Variants in PDIA5 observed in about 807,000 individuals in gnomAD.
PDIA5 encodes protein disulfide isomerase family A member 5.
PDIA5 carries 58 observed loss-of-function variants against 77.6 expected under a neutral mutation model. The observed-to-expected ratio is 0.75, with a 90% CI of 0.61 to 0.93. The LOEUF is 0.93. PDIA5 is among the 40% of genes least tolerant of loss of function. PDIA5 has a pLI of 0.00. For missense variants in PDIA5, 630 were observed against 647.7 expected (o/e 0.97, Z 0.30); for synonymous variants, 250 against 252.1 (o/e 0.99, Z 0.08).
intron 11 of PDIA5, among the ~76,000 whole-genome samples, chr3:123,135,859 C>CT (rs374372363): frequency 0.17 from 22,462 of 133,260 alleles, 1,957 homozygotes; most frequent in Middle Eastern, 0.26. Flanking sequence ...TAAAATCGAC[C>CT]TTTTTTTTTT....
chr3:123,090,163 C>T (rs757308141), intron 2 of PDIA5, among the ~76,000 whole-genome samples: 2 of 152,202 alleles, frequency 1.3e-5, no homozygotes, highest in African/African-American at 4.8e-5. Context: ...ATCCCTGGCA[C>T]GTGGGATGTG....
intron 11 of PDIA5, among the ~76,000 whole-genome samples, chr3:123,135,179 AC>A (rs1935469836): frequency 6.6e-6 from 1 of 152,040 alleles, no homozygotes; most frequent in Non-Finnish European, 1.5e-5. Flanking sequence ...TCCTCTTGTC[AC>A]TGTTTTTTGT....
At chr3:123,071,867 G>C (rs1933733877) in intron 1 of PDIA5, among the ~76,000 whole-genome samples, 1 of 152,206 alleles carries the variant, frequency 6.6e-6, no homozygotes, top group East Asian at 1.9e-4. Context: ...GTGTTTGGCT[G>C]ATGGAACTAA....
intron 1 of PDIA5, among the ~76,000 whole-genome samples, chr3:123,078,289 C>G (rs1020598018): frequency 2.0e-5 from 3 of 152,166 alleles, no homozygotes; most frequent in South Asian, 4.1e-4. Flanking sequence ...GACACATAAG[C>G]ACTGCACGTA....
intron 12 of PDIA5, 81 bp from the exon 13 acceptor site, chr3:123,146,017 TG>T: frequency 7.4e-7 from 1 of 1,350,490 alleles, no homozygotes; most frequent in Non-Finnish European, 1.0e-6. Context: ...GGATGGGTTG[TG>T]GGGGCAGCGT....
chr3:123,097,352 G>A (rs150113142), intron 3 of PDIA5, among the ~76,000 whole-genome samples: 193 of 152,170 alleles, frequency 1.3e-3, no homozygotes, highest in African/African-American at 4.4e-3. Flanking sequence ...GGCAGCGGAG[G>A]GGAGGCACCT....
chr3:123,107,094 G>A (rs917141615), intron 6 of PDIA5, among the ~76,000 whole-genome samples: 5 of 152,124 alleles, frequency 3.3e-5, no homozygotes, highest in African/African-American at 9.7e-5. Context: ...ATTTGAACAC[G>A]TTTAGATTTT....
intron 14 of PDIA5, among the ~76,000 whole-genome samples, chr3:123,154,730 A>T (rs891298298): frequency 6.6e-6 from 1 of 152,136 alleles, no homozygotes; most frequent in African/African-American, 2.4e-5. Flanking sequence ...ATCGCCCCCC[A>T]GCCTGGGCAG....
At chr3:123,118,687 T>A (rs1026806037) in intron 8 of PDIA5, among the ~76,000 whole-genome samples, 8 of 152,338 alleles carry the variant, frequency 5.3e-5, no homozygotes, top group Middle Eastern at 6.8e-3. Flanking sequence ...TATGTGAGTT[T>A]CTTGGGCACA....
rs550297275 is a variant in PDIA5, at chr3:123,092,251, C to G, written c.170-104C>G. 845 of 851,570 alleles carry G rather than the reference C, an allele frequency of 9.9e-4. 10 individuals are homozygous for G. The South Asian group carries it at 0.011, about 11-fold the overall frequency. 52.8% of individuals were successfully genotyped at this position (851,570 alleles called of 1,614,324 possible). Reference sequence around the variant, plus strand: ...CCTGGTGCTCAGGACTTCTCCACCCCCTCTAGGATTGGTCTCCATCCTTCC... The same window carrying G: ...CCTGGTGCTCAGGACTTCTCCACCCGCTCTAGGATTGGTCTCCATCCTTCC... On this transcript the variant is annotated intron_variant, in intron 2 of 16. Coordinates refer to ENST00000316218, the MANE Select transcript of PDIA5 (RefSeq NM_006810.4).
intron 8 of PDIA5, among the ~76,000 whole-genome samples, chr3:123,118,726 C>G (rs1416739247): frequency 2.6e-5 from 4 of 152,212 alleles, no homozygotes; most frequent in Non-Finnish European, 5.9e-5. Flanking sequence ...ATTTCTTTAG[C>G]ACATAGCACA....
intron 13 of PDIA5, among the ~76,000 whole-genome samples, chr3:123,147,995 T>C (rs1057022392): frequency 6.6e-6 from 1 of 152,334 alleles, no homozygotes. Flanking sequence ...CTGTCCTTTC[T>C]GTGTGCCACT....
intron 11 of PDIA5, among the ~76,000 whole-genome samples, chr3:123,142,074 A>G (rs1434917672): frequency 6.6e-6 from 1 of 152,114 alleles, no homozygotes; most frequent in Admixed American, 6.5e-5. Flanking sequence ...TTTTGTGACA[A>G]TCTCAAGAAT....
chr3:123,150,613 C>T (rs1253431080), intron 14 of PDIA5, among the ~76,000 whole-genome samples: 1 of 152,094 alleles, frequency 6.6e-6, no homozygotes, highest in Non-Finnish European at 1.5e-5. Flanking sequence ...GTCCTAAAGC[C>T]CTCTGCCTCT....
At chr3:123,094,734 T>G (rs914980150) in intron 3 of PDIA5, among the ~76,000 whole-genome samples, 1 of 152,244 alleles carries the variant, frequency 6.6e-6, no homozygotes, top group African/African-American at 2.4e-5. Flanking sequence ...CCATGCTACC[T>G]TCTTTATCCT....
chr3:123,080,645 T>C (rs1453539117), intron 1 of PDIA5, among the ~76,000 whole-genome samples: 1 of 152,216 alleles, frequency 6.6e-6, no homozygotes, highest in South Asian at 2.1e-4. Context: ...ATAACATATC[T>C]AAAGTTAATG....
At chr3:123,131,575 A>G (rs552970352) in intron 11 of PDIA5, among the ~76,000 whole-genome samples, 1 of 150,108 alleles carries the variant, frequency 6.7e-6, no homozygotes, top group South Asian at 2.2e-4. Flanking sequence ...TGGGGAGGCC[A>G]GGCTGGAGCT....
At chr3:123,124,458 T>G (rs981295446) in intron 10 of PDIA5, 115 bp downstream of exon 10, 1 of 790,468 alleles carries the variant, frequency 1.3e-6, no homozygotes, top group Non-Finnish European at 2.3e-6. Flanking sequence ...GGAAGGGAAT[T>G]GTGGTACTGC....
At chr3:123,118,312 G>T (rs182731345) in intron 8 of PDIA5, among the ~76,000 whole-genome samples, 13 of 152,310 alleles carry the variant, frequency 8.5e-5, no homozygotes, top group Non-Finnish European at 1.9e-4. Context: ...CATATTTTGA[G>T]ATTATTTAGC....
Sources: allele counts gnomAD v4.1 joint callset (sites outside exome capture counted in the v4.1 genomes callset), GRCh38; gene constraint gnomAD v4.1.1; transcripts MANE v1.5; gene names NCBI Gene and HGNC (gene_info 2026-07-23, HGNC 2026-07-21).